Variants in ALKAL2 observed in about 807,000 individuals in gnomAD.
ALKAL2 encodes ALK and LTK ligand 2, also known as AUG-alpha.
ALKAL2 carries 8 observed loss-of-function variants against 18.5 expected under a neutral mutation model. That is an observed-to-expected ratio of 0.43 (90% CI 0.25 to 0.78). ALKAL2 has a LOEUF of 0.78. ALKAL2 is among the 30% of genes least tolerant of loss of function. ALKAL2 has a pLI of 0.22. For synonymous variants in ALKAL2, 135 were observed against 95.8 expected (o/e 1.41, Z -2.39); for missense variants, 241 against 211.2 (o/e 1.14, Z -0.88).
rs1392700473 is a variant in ALKAL2 at position 288,062 on chromosome 2, C to T, written c.-107G>A. The T allele has an allele frequency of 4.1e-6, 5 of 1,207,558 alleles. No individual in the cohort carries two copies. In the East Asian group the frequency reaches 1.0e-4, roughly 25 times the overall value. The allele number at this position is 1,207,558 out of a possible 1,614,324, so 74.8% of individuals were successfully genotyped here. ...CGGCAGGTGAGGGAGCCGCGGTCTC[C>T]TCGACGATCACGCCCGAGGTCCCGC... On this transcript the variant is annotated 5_prime_UTR_variant, in exon 1 of 6. Transcript: ENST00000403610.
rs1558269348 is a variant in ALKAL2 at position 286,124 on chromosome 2, T to C, written c.387A>G (p.Ala129=). The part of the protein sequence containing the change: ...YHNTRDCTIP[A]YYKRCARLLT... ...TAAAAATCCAATGCTGTTACTTACATGCAGGAATGGTGCAGTCTCTGGTGT... is the reference window on the plus strand; with the variant it reads ...TAAAAATCCAATGCTGTTACTTACACGCAGGAATGGTGCAGTCTCTGGTGT... Residue 129 remains alanine (A), a splice_region_variant and synonymous_variant, in exon 4 of 6, where the codon GCA becomes GCG. Transcript: ENST00000403610. The C allele has an allele frequency of 6.2e-7, 1 of 1,612,832 alleles. No individual in the cohort carries two copies.
chr2:281,183 T>A (rs1000327473), intron 5 of ALKAL2, among the ~76,000 whole-genome samples: 5 of 152,270 alleles, frequency 3.3e-5, no homozygotes, highest in Non-Finnish European at 7.3e-5. Flanking sequence ...AGTAACAATT[T>A]GCTGTTGCTG....
In ALKAL2 at chr2:279,559, CATT is replaced by C. The variant is rs1670268491; in HGVS notation, c.*585_*587del. On this transcript the variant is annotated 3_prime_UTR_variant, in exon 6 of 6. Coordinates refer to ENST00000403610, the MANE Select transcript of ALKAL2 (RefSeq NM_001002919.3). The stretch of plus-strand genomic sequence containing the variant: ...GTAGAGAGTCACTTTGAAGACTAGT[CATT>C]ATAACAAACACTTCATTTATTACTT... The C allele has an allele frequency of 6.5e-6, 1 of 153,034 alleles. No homozygotes were observed. The highest frequency in any genetic ancestry group is 1.5e-5 in the Non-Finnish European group (1 of 68,226). The allele number at this position is 153,034 out of a possible 1,614,324, so 9.5% of individuals were successfully genotyped here.
At chr2:282,933 G>A (rs1284044833) in intron 5 of ALKAL2, among the ~76,000 whole-genome samples, 178 bp downstream of exon 5, 1 of 152,214 alleles carries the variant, frequency 6.6e-6, no homozygotes, top group African/African-American at 2.4e-5. Flanking sequence ...CCGGGGCCCT[G>A]TAGACAAGCC....
chr2:287,424 C>T (rs1195814100), intron 2 of ALKAL2, 159 bp downstream of exon 2: 12 of 553,050 alleles, frequency 2.2e-5, no homozygotes, highest in African/African-American at 2.1e-4. Context: ...ATGCGCGGAC[C>T]TATTGCTGCT....
chr2:279,688 CTG>C lies in ALKAL2; in HGVS notation c.*457_*458del, dbSNP rs1670272098. 2 of 161,300 alleles carry C rather than the reference CTG, an allele frequency of 1.2e-5. No individual in the cohort carries two copies. The highest frequency in any genetic ancestry group is 1.2e-4 in the Admixed American group (2 of 16,500). The allele number at this position is 161,300 out of a possible 1,614,324, so 10.0% of individuals were successfully genotyped here. A position where few individuals can be genotyped will look rare whatever the true frequency, so the allele number is the denominator to read the frequency against. On this transcript the variant is annotated 3_prime_UTR_variant, in exon 6 of 6. Coordinates refer to ENST00000403610, the MANE Select transcript of ALKAL2 (RefSeq NM_001002919.3). ...GAATTAGCCACAGATTTACACTCCA[CTG>C]TCTCTAAAACATGACCGAAATTTTA...
intron 4 of ALKAL2, among the ~76,000 whole-genome samples, chr2:283,957 G>A (rs925024687): frequency 6.6e-6 from 1 of 152,202 alleles, no homozygotes; most frequent in African/African-American, 2.4e-5. Flanking sequence ...TAGTTAAGGA[G>A]CCAGCTCTAC....
chr2:286,475 G>A, intron 2 of ALKAL2, 132 bp from the exon 3 acceptor site: 4 of 650,870 alleles, frequency 6.1e-6, no homozygotes, highest in Non-Finnish European at 1.1e-5. Flanking sequence ...AAAAAGACTG[G>A]GGCCCTGGAT....
intron 4 of ALKAL2, 74 bp downstream of exon 4, chr2:286,049 T>C: frequency 7.6e-7 from 1 of 1,322,786 alleles, no homozygotes; most frequent in Non-Finnish European, 1.1e-6. Flanking sequence ...GGGGCCTATA[T>C]GAGGAAATGG....
rs1670282157 is a variant in ALKAL2 at position 279,939 on chromosome 2, CAGAT to C, written c.*204_*207del. The C allele has an allele frequency of 3.9e-6, 2 of 517,756 alleles. No individual in the cohort carries two copies. The highest frequency in any genetic ancestry group is 3.5e-6 in the Non-Finnish European group (1 of 286,098). The allele number at this position is 517,756 out of a possible 1,614,324, so 32.1% of individuals were successfully genotyped here. On this transcript the variant is annotated 3_prime_UTR_variant, in exon 6 of 6. Transcript: ENST00000403610. ...TTGTGTTTTTTTTTTAAATAAGTGA[CAGAT>C]AACACTGTCAAGTACACTGATTTAT... is the stretch of plus-strand genomic sequence containing the variant.
Position 280,110 on chromosome 2 carries a change from C to A in ALKAL2, c.*37G>T. 1 of 1,613,836 alleles carries A rather than the reference C, an allele frequency of 6.2e-7. No homozygotes were observed. Among genetic ancestry groups the A allele is most frequent in the Non-Finnish European group, 8.5e-7 (1 of 1,179,740 alleles). ...TTCCCTGTTGGTTTCCAAGGCACTTCTCATGGCTCCTGGTGTGCTGCTCCT... is the reference window on the plus strand; with the variant it reads ...TTCCCTGTTGGTTTCCAAGGCACTTATCATGGCTCCTGGTGTGCTGCTCCT... On this transcript the variant is annotated 3_prime_UTR_variant, in exon 6 of 6. Transcript: ENST00000403610.
intron 4 of ALKAL2, among the ~76,000 whole-genome samples, chr2:283,756 G>A (rs1670424923): frequency 6.6e-6 from 1 of 152,180 alleles, no homozygotes; most frequent in African/African-American, 2.4e-5. Context: ...AAATTAAGAA[G>A]GTGTAATGGG....
chr2:282,323 T>G (rs961814402), intron 5 of ALKAL2, among the ~76,000 whole-genome samples: 5 of 152,246 alleles, frequency 3.3e-5, no homozygotes, highest in African/African-American at 1.2e-4. Flanking sequence ...TCCCTTTTCA[T>G]GAATGTGCTC....
chr2:286,572 T>A (rs575460617), intron 2 of ALKAL2: 1 of 492,402 alleles, frequency 2.0e-6, no homozygotes, highest in South Asian at 3.5e-5. Flanking sequence ...GCTCCAGGAT[T>A]ATGTCGGCTG....
At chr2:286,929 G>C (rs1179441572) in intron 2 of ALKAL2, 1 of 152,182 alleles carries the variant, frequency 6.6e-6, no homozygotes, top group African/African-American at 2.4e-5. Context: ...CTTCCACCAG[G>C]GTTCTCCGCA....
At position 287,676 on chromosome 2, in the gene ALKAL2, C is replaced by A; in HGVS notation, c.160G>T (p.Ala54Ser). The change falls in exon 2 of 6, where the codon GCG becomes TCG. Residue 54 changes from alanine to serine, a missense_variant. By Grantham distance (99) the Ala-to-Ser change is moderately conservative. Coordinates refer to ENST00000403610, the MANE Select transcript of ALKAL2 (RefSeq NM_001002919.3). Reference sequence around the variant, plus strand: ...AGGAGCTGCAGGCCCTTGTGCTCCGCCGAGTGGTGCTTCCGCAGCTCCTGG... The same window carrying A: ...AGGAGCTGCAGGCCCTTGTGCTCCGACGAGTGGTGCTTCCGCAGCTCCTGG... Reference protein sequence around the residue: ...LVQELRKHHSAEHKGLQLLGR... With the variant: ...LVQELRKHHSSEHKGLQLLGR... 1 of 1,483,398 alleles carries A rather than the reference C, an allele frequency of 6.7e-7. No individual in the cohort carries two copies. The highest frequency in any genetic ancestry group is 2.9e-5 in the East Asian group (1 of 34,232). The allele number at this position is 1,483,398 out of a possible 1,614,324, so 91.9% of individuals were successfully genotyped here. A position where few individuals can be genotyped will look rare whatever the true frequency, so the allele number is the denominator to read the frequency against.
intron 4 of ALKAL2, among the ~76,000 whole-genome samples, chr2:283,839 A>C (rs1342113479): frequency 6.6e-6 from 1 of 152,198 alleles, no homozygotes; most frequent in East Asian, 1.9e-4. Flanking sequence ...AAATTATTAC[A>C]GTTTATTTCT....
chr2:280,167 A>G lies in ALKAL2; in HGVS notation c.454-15T>C. 2 of 1,613,930 alleles carry G rather than the reference A, an allele frequency of 1.2e-6. No individual in the cohort carries two copies. The highest frequency in any genetic ancestry group is 1.7e-6 in the Non-Finnish European group (2 of 1,179,860). On this transcript the variant is annotated splice_polypyrimidine_tract_variant and intron_variant, in intron 5 of 5. Coordinates refer to ENST00000403610, the MANE Select transcript of ALKAL2 (RefSeq NM_001002919.3). ...TCTGCTCACTGCTGAAAACAAATAC[A>G]TTGCGTGTGATATGACTATCCACAC...
chr2:281,791 T>TAA (rs60094437), intron 5 of ALKAL2, among the ~76,000 whole-genome samples: 1 of 136,810 alleles, frequency 7.3e-6, no homozygotes, highest in Non-Finnish European at 1.6e-5. Flanking sequence ...AAGAAATACC[T>TAA]AAAAAAAAAA....
Sources: gnomAD v4.1 joint callset for allele counts (sites outside exome capture counted in the v4.1 genomes callset) on GRCh38, gnomAD v4.1.1 for gene constraint, MANE v1.5 for transcripts, NCBI Gene and HGNC (gene_info 2026-07-23, HGNC 2026-07-21) for gene names.